RFX4: variants seen among roughly 807,000 people sequenced by gnomAD.
RFX4 encodes the protein regulatory factor X4.
Under a neutral mutation model 95.0 loss-of-function variants are expected in RFX4, and 10 were observed. The observed-to-expected ratio is 0.11, with a 90% CI of 0.06 to 0.18. The LOEUF (loss-of-function observed/expected upper bound fraction) is 0.18, where lower values mean the gene tolerates loss of function less well. Ranked by LOEUF, RFX4 falls within the 10% of genes least tolerant of loss-of-function variation. The pLI is 1.00. For missense variants in RFX4, 640 were observed against 922.0 expected (o/e 0.69, Z 3.96); for synonymous variants, 321 against 340.7 (o/e 0.94, Z 0.64).
intron 16 of RFX4, among the ~76,000 whole-genome samples, chr12:106,749,494 C>T (rs1237370782): frequency 2.0e-5 from 3 of 152,076 alleles, no homozygotes; most frequent in East Asian, 3.9e-4. Context: ...AGCAGTCAAT[C>T]GGGCAACCAT....
chr12:106,685,984 A>G (rs1322793225), intron 5 of RFX4, among the ~76,000 whole-genome samples: 1 of 152,228 alleles, frequency 6.6e-6, no homozygotes, highest in African/African-American at 2.4e-5. Context: ...TTAATTGAAA[A>G]CATTGCTAAT....
chr12:106,591,561 C>T (rs1039881612), intron 1 of RFX4, among the ~76,000 whole-genome samples: 3 of 152,192 alleles, frequency 2.0e-5, no homozygotes, highest in Middle Eastern at 3.4e-3. Flanking sequence ...CCATCGCGTC[C>T]GGCTAAAATA....
intron 1 of RFX4, among the ~76,000 whole-genome samples, chr12:106,597,725 T>G (rs890379433): frequency 4.6e-5 from 7 of 152,082 alleles, no homozygotes; most frequent in African/African-American, 1.7e-4. Context: ...CCAGGTGTGG[T>G]GGCTGAAACC....
At chr12:106,672,962 A>G (rs2041315707) in intron 4 of RFX4, among the ~76,000 whole-genome samples, 1 of 152,056 alleles carries the variant, frequency 6.6e-6, no homozygotes, top group Non-Finnish European at 1.5e-5. Context: ...CTTTCCTCTG[A>G]TTTCTTTACT....
At chr12:106,601,106 A>T in intron 1 of RFX4, 1 of 1,408,714 alleles carries the variant, frequency 7.1e-7, no homozygotes, top group Non-Finnish European at 9.3e-7. Flanking sequence ...CCTTCCTGGA[A>T]CCCAGCAGCC....
intron 10 of RFX4, chr12:106,714,878 A>T (rs2042259353): frequency 6.5e-6 from 1 of 152,696 alleles, no homozygotes. Context: ...ATTTTAAAAA[A>T]GCAAAAACAG....
intron 11 of RFX4, among the ~76,000 whole-genome samples, chr12:106,717,000 C>CAAAA (rs71311249): frequency 9.9e-5 from 6 of 60,480 alleles, no homozygotes; most frequent in South Asian, 6.2e-4. Flanking sequence ...GCACAGGAGA[C>CAAAA]AAAAAAAAAA....
intron 15 of RFX4, among the ~76,000 whole-genome samples, chr12:106,735,748 C>G (rs1364963572): frequency 4.0e-5 from 6 of 151,778 alleles, no homozygotes; most frequent in Admixed American, 3.9e-4. Flanking sequence ...GTGCTGGGTG[C>G]TATGGGAAAT....
chr12:106,745,648 AC>A lies in RFX4; in HGVS notation c.1634-1787del, dbSNP rs926379594. ...GAATGGACTAATTTTTAAAATGAAA[AC>A]CTTTCCTTTATCTTTCCAGAGGAAT... On this transcript the variant is annotated intron_variant, in intron 15 of 17. Transcript: ENST00000392842. Among the ~76,000 whole-genome samples, 13 of 152,214 alleles carry A rather than the reference AC, an allele frequency of 8.5e-5. No homozygotes were observed. The East Asian group carries it at 1.9e-3, about 23-fold the overall frequency.
Position 106,590,954 on chromosome 12 carries a change from A to C in RFX4, c.43+7591A>C, listed in dbSNP as rs117415332. 1.9e-3 allele frequency among the ~76,000 whole-genome samples: 294 copies of C among 152,246 alleles called. 2 individuals are homozygous for C. Among genetic ancestry groups the C allele is most frequent in the Middle Eastern group, 0.01 (3 of 294 alleles). On this transcript the variant is annotated intron_variant, in intron 1 of 17. Transcript: ENST00000392842. ...AGTGAGACTCTGTCTCAAAGAAAAA[A>C]ATAAAAAAGAAAGGAAGGAAGGAAA... is the stretch of plus-strand genomic sequence containing the variant.
intron 5 of RFX4, among the ~76,000 whole-genome samples, chr12:106,686,411 C>CAA (rs761963281): frequency 2.1e-4 from 13 of 63,350 alleles, no homozygotes; most frequent in Admixed American, 1.2e-3. Flanking sequence ...GACTCTGTCT[C>CAA]AAAAAAAAAA....
chr12:106,656,725 C>G (rs1201645253), intron 4 of RFX4, among the ~76,000 whole-genome samples: 1 of 152,076 alleles, frequency 6.6e-6, no homozygotes, highest in Non-Finnish European at 1.5e-5. Context: ...TTGAGACACC[C>G]CCCACCAAAT....
chr12:106,699,924 A>C (rs943521850), intron 8 of RFX4, among the ~76,000 whole-genome samples: 1 of 151,312 alleles, frequency 6.6e-6, no homozygotes, highest in Non-Finnish European at 1.5e-5. Context: ...CCCTCTTCCT[A>C]GTTGTTTTCT....
chr12:106,675,012 A>G (rs1298092292), intron 4 of RFX4, among the ~76,000 whole-genome samples: 1 of 152,224 alleles, frequency 6.6e-6, no homozygotes, highest in Non-Finnish European at 1.5e-5. Context: ...ATTTATAAAG[A>G]TTCTATGGGA....
In RFX4 at chr12:106,643,674, T is replaced by C. The variant is rs191641111; in HGVS notation, c.191+4282T>C. 2.5e-3 allele frequency among the ~76,000 whole-genome samples: 382 copies of C among 152,324 alleles called. 2 individuals are homozygous for C. The highest frequency in any genetic ancestry group is 2.6e-3 in the Non-Finnish European group (179 of 68,034). Reference sequence around the variant, plus strand: ...GCTAAATCTGATGCTTACAGACTTTTGCAATCACTTCTTTCCTTTGTCTAA... The same window carrying C: ...GCTAAATCTGATGCTTACAGACTTTCGCAATCACTTCTTTCCTTTGTCTAA... On this transcript the variant is annotated intron_variant, in intron 3 of 17. Coordinates refer to ENST00000392842, the MANE Select transcript of RFX4 (RefSeq NM_213594.3).
At chr12:106,673,231 G>A (rs911471797) in intron 4 of RFX4, among the ~76,000 whole-genome samples, 2 of 152,194 alleles carry the variant, frequency 1.3e-5, no homozygotes, top group African/African-American at 4.8e-5. Context: ...TAGAGGACGA[G>A]TCACTAGAGA....
Position 106,583,267 on chromosome 12 carries a change from G to C in RFX4, c.-54G>C. 6.5e-7 allele frequency: 1 copy of C among 1,542,266 alleles called. No individual in the cohort carries two copies. The stretch of plus-strand genomic sequence containing the variant: ...CTCCCTGGGCATCTCTAGCACAGGG[G>C]ATCCCCAAACATCAGGACTTTTGGG... On this transcript the variant is annotated 5_prime_UTR_variant, in exon 1 of 18. Coordinates refer to ENST00000392842, the MANE Select transcript of RFX4 (RefSeq NM_213594.3).
intron 1 of RFX4, chr12:106,583,656 G>GGCTC (rs2039408989): frequency 3.4e-6 from 1 of 293,414 alleles, no homozygotes; most frequent in Non-Finnish European, 6.3e-6. Flanking sequence ...AAGATGCGCT[G>GGCTC]GCTCGCGGCG....
At position 106,583,082 on chromosome 12, in the gene RFX4, C is replaced by G. The variant is rs763846421; in HGVS notation, c.-239C>G. 4.5e-6 allele frequency: 2 copies of G among 447,436 alleles called. No homozygotes were observed. The highest frequency in any genetic ancestry group is 7.8e-6 in the Non-Finnish European group (2 of 257,778). The allele number at this position is 447,436 out of a possible 1,614,324, so 27.7% of individuals were successfully genotyped here. On this transcript the variant is annotated 5_prime_UTR_variant, in exon 1 of 18. Coordinates refer to ENST00000392842, the MANE Select transcript of RFX4 (RefSeq NM_213594.3). The stretch of plus-strand genomic sequence containing the variant: ...TGCTCGCTCGCTTTTTCTCTCTCCC[C>G]CTTCTCCGAGCTCGCTCCCTTCTCT...
Sources: allele counts gnomAD v4.1 joint callset (sites outside exome capture counted in the v4.1 genomes callset), GRCh38; gene constraint gnomAD v4.1.1; transcripts MANE v1.5; gene names NCBI Gene and HGNC (gene_info 2026-07-23, HGNC 2026-07-21).